Variants in PTPRD observed in about 807,000 individuals in gnomAD.
The protein encoded by PTPRD is protein tyrosine phosphatase receptor type D.
A neutral mutation model predicts 214.5 loss-of-function variants in PTPRD; 34 were observed. The ratio of observed to expected loss-of-function variants is 0.16; its 90% CI spans 0.12 to 0.21. The LOEUF (loss-of-function observed/expected upper bound fraction) is 0.21, where lower values mean the gene tolerates loss of function less well. PTPRD is among the 10% of genes least tolerant of loss of function. The pLI, the probability that PTPRD is intolerant of heterozygous loss-of-function variation, is 1.00. For synonymous variants in PTPRD, 1,128 were observed against 845.7 expected (o/e 1.33, Z -5.79); for missense variants, 2,545 against 2,398.7 (o/e 1.06, Z -1.27).
chr9:9,917,491 T>C lies in PTPRD; in HGVS notation c.-368+21016A>G, dbSNP rs959721868. The stretch of plus-strand genomic sequence containing the variant: ...AAAAAAATCCAGGACCAGATGTCTT[T>C]ACCACTGAATTCTACCATATCTTTA... On this transcript the variant is annotated intron_variant, in intron 5 of 45. Transcript: ENST00000381196. Among the ~76,000 whole-genome samples the C allele has an allele frequency of 1.4e-4, 21 of 149,398 alleles. No homozygotes were observed. In the East Asian group the frequency reaches 4.1e-3, roughly 29 times the overall value.
At chr9:9,745,423 T>G (rs2098447646) in intron 6 of PTPRD, among the ~76,000 whole-genome samples, 1 of 152,134 alleles carries the variant, frequency 6.6e-6, no homozygotes. Flanking sequence ...TTTTCCTTTC[T>G]CTTTCTTCCA....
chr9:10,049,203 G>C (rs575301072), intron 3 of PTPRD, among the ~76,000 whole-genome samples: 2 of 152,128 alleles, frequency 1.3e-5, no homozygotes, highest in Non-Finnish European at 2.9e-5. Context: ...GAGTGTTCAG[G>C]CTGGAAGGGA....
intron 5 of PTPRD, among the ~76,000 whole-genome samples, chr9:9,927,177 T>A (rs748835250): frequency 1.3e-5 from 2 of 152,152 alleles, no homozygotes; most frequent in Non-Finnish European, 2.9e-5. Flanking sequence ...TTTAAAAGCA[T>A]TTCTACTTGT....
chr9:8,741,188 C>A (rs7862892), intron 11 of PTPRD, among the ~76,000 whole-genome samples: 11,142 of 151,868 alleles, frequency 0.073, 1,094 homozygotes, highest in African/African-American at 0.23. Flanking sequence ...TGAGGTATGC[C>A]GTGAGAAATG....
chr9:9,513,058 T>A (rs1384288487), intron 8 of PTPRD, among the ~76,000 whole-genome samples: 2 of 151,866 alleles, frequency 1.3e-5, no homozygotes, highest in African/African-American at 2.4e-5. Flanking sequence ...TGGCCTGTAA[T>A]TAGTGATCTC....
At chr9:8,613,458 A>AT (rs991893200) in intron 14 of PTPRD, among the ~76,000 whole-genome samples, 1 of 152,004 alleles carries the variant, frequency 6.6e-6, no homozygotes, top group African/African-American at 2.4e-5. Context: ...CTACTGACTT[A>AT]TTTTTTTTAA....
At chr9:9,649,913 G>A (rs2096289999) in intron 7 of PTPRD, among the ~76,000 whole-genome samples, 3 of 152,092 alleles carry the variant, frequency 2.0e-5, no homozygotes, top group African/African-American at 4.8e-5. Context: ...GAGCAATCAA[G>A]TTTTAGAAAT....
chr9:10,522,460 T>C (rs1029863934), intron 2 of PTPRD, among the ~76,000 whole-genome samples: 1 of 152,170 alleles, frequency 6.6e-6, no homozygotes, highest in Non-Finnish European at 1.5e-5. Context: ...CCACATGGTG[T>C]AATTTCCAAA....
intron 34 of PTPRD, among the ~76,000 whole-genome samples, chr9:8,441,137 T>C (rs1272618028): frequency 6.6e-6 from 1 of 152,198 alleles, no homozygotes; most frequent in Non-Finnish European, 1.5e-5. Context: ...AATACGCTCA[T>C]TCCCATTTCC....
intron 9 of PTPRD, among the ~76,000 whole-genome samples, chr9:9,379,923 T>A (rs1466167579): frequency 6.6e-6 from 1 of 152,040 alleles, no homozygotes; most frequent in Non-Finnish European, 1.5e-5. Flanking sequence ...TTCTAGGAGT[T>A]TTTTGATTCT....
At chr9:10,249,353 G>A (rs981025492) in intron 3 of PTPRD, among the ~76,000 whole-genome samples, 3 of 152,190 alleles carry the variant, frequency 2.0e-5, no homozygotes, top group African/African-American at 4.8e-5. Flanking sequence ...ATGAGTAACA[G>A]GTATGTTAGT....
intron 8 of PTPRD, among the ~76,000 whole-genome samples, chr9:9,475,397 G>C (rs1185708676): frequency 6.6e-6 from 1 of 152,128 alleles, no homozygotes; most frequent in Non-Finnish European, 1.5e-5. Context: ...CAGCTGTTAT[G>C]GAAGATTTTG....
intron 8 of PTPRD, among the ~76,000 whole-genome samples, chr9:9,497,154 G>A (rs773338202): frequency 2.0e-5 from 3 of 152,150 alleles, no homozygotes; most frequent in Non-Finnish European, 4.4e-5. Context: ...GATGAGAAGC[G>A]TCATGGAGGT....
chr9:10,609,940 C>A (rs1160184025), intron 2 of PTPRD, among the ~76,000 whole-genome samples: 1 of 152,038 alleles, frequency 6.6e-6, no homozygotes, highest in Non-Finnish European at 1.5e-5. Flanking sequence ...AAAGCAAATG[C>A]AGGTATACAG....
At chr9:9,174,849 G>A (rs1309586657) in intron 10 of PTPRD, among the ~76,000 whole-genome samples, 3 of 151,868 alleles carry the variant, frequency 2.0e-5, no homozygotes, top group African/African-American at 7.3e-5. Context: ...GATTTGCTTT[G>A]GACTGAATGT....
rs138429912 is a variant in PTPRD, at chr9:9,317,947, G to A, written c.-203+79502C>T. 1.7e-3 allele frequency among the ~76,000 whole-genome samples: 266 copies of A among 152,120 alleles called. 1 individual carries two copies. The highest frequency in any genetic ancestry group is 6.2e-3 in the African/African-American group (258 of 41,518). ...AGCACTTTGGAAGGCCAAGACAGGC[G>A]GATCACTTGAGGTCTGGAGTTCAAG... On this transcript the variant is annotated intron_variant, in intron 9 of 45. Coordinates refer to ENST00000381196, the MANE Select transcript of PTPRD (RefSeq NM_002839.4).
intron 9 of PTPRD, among the ~76,000 whole-genome samples, chr9:9,377,744 G>C (rs933830284): frequency 6.6e-6 from 1 of 152,094 alleles, no homozygotes; most frequent in African/African-American, 2.4e-5. Context: ...AACAAGGTGG[G>C]TGGTGGGGGC....
intron 12 of PTPRD, among the ~76,000 whole-genome samples, chr9:8,723,704 A>G (rs1169717848): frequency 6.6e-6 from 1 of 152,210 alleles, no homozygotes; most frequent in African/African-American, 2.4e-5. Context: ...GTGACAAACA[A>G]TGGCATTTTA....
intron 6 of PTPRD, among the ~76,000 whole-genome samples, chr9:9,758,550 T>G (rs777128450): frequency 6.6e-6 from 1 of 152,046 alleles, no homozygotes; most frequent in Non-Finnish European, 1.5e-5. Flanking sequence ...AGAAAGTACA[T>G]AAAGCCAAAG....
Sources: gnomAD v4.1 joint callset for allele counts (sites outside exome capture counted in the v4.1 genomes callset) on GRCh38, gnomAD v4.1.1 for gene constraint, MANE v1.5 for transcripts, NCBI Gene and HGNC (gene_info 2026-07-23, HGNC 2026-07-21) for gene names.